C12orf50: variants seen among roughly 807,000 people sequenced by gnomAD.
C12orf50 encodes the protein uncharacterized protein C12orf50.
Under a neutral mutation model 61.6 loss-of-function variants are expected in C12orf50, and 35 were observed. That is an observed-to-expected ratio of 0.57 (90% CI 0.43 to 0.75). The LOEUF is 0.75. Among genes scored for constraint, C12orf50 ranks in the 30% least tolerant of loss-of-function variants. The pLI is 0.00. For synonymous variants in C12orf50, 178 were observed against 161.5 expected, an observed-to-expected ratio of 1.10 and a Z score of -0.77; for missense variants, 475 against 488.5, an observed-to-expected ratio of 0.97 and a Z score of 0.26.
At position 87,980,328 on chromosome 12, in the gene C12orf50, G is replaced by A. The variant is rs1022781380; in HGVS notation, c.*3C>T. 3.7e-6 allele frequency: 6 copies of A among 1,608,710 alleles called. No homozygotes were observed. In the African/African-American group the frequency reaches 8.0e-5, roughly 22 times the overall value. On this transcript the variant is annotated 3_prime_UTR_variant, in exon 13 of 13. Coordinates refer to ENST00000298699, the MANE Select transcript of C12orf50 (RefSeq NM_152589.3). ...TCATTTTTCTCTCTCTCAACCTCCAGGTTTACTTGCTCCCATTTCTTCTTG... is the reference window on the plus strand; with the variant it reads ...TCATTTTTCTCTCTCTCAACCTCCAAGTTTACTTGCTCCCATTTCTTCTTG...
chr12:88,025,154 T>C (rs966566398), intron 3 of C12orf50, among the ~76,000 whole-genome samples: 64 of 151,732 alleles, frequency 4.2e-4, no homozygotes, highest in Admixed American at 4.2e-3. Context: ...TCAGTAAGAG[T>C]GAATAATGTT....
chr12:87,981,312 T>C (rs1466922906), intron 12 of C12orf50, among the ~76,000 whole-genome samples: 1 of 152,130 alleles, frequency 6.6e-6, no homozygotes, highest in African/African-American at 2.4e-5. Flanking sequence ...GAGAATATAA[T>C]TTCAACAGTC....
chr12:87,989,921 C>T (rs1038207315), intron 7 of C12orf50, among the ~76,000 whole-genome samples: 11 of 151,976 alleles, frequency 7.2e-5, no homozygotes, highest in African/African-American at 2.7e-4. Flanking sequence ...TAATACTTGC[C>T]ATTCATGGAG....
intron 7 of C12orf50, among the ~76,000 whole-genome samples, chr12:87,990,050 C>T (rs146223124): frequency 2.0e-5 from 3 of 152,220 alleles, no homozygotes; most frequent in East Asian, 1.9e-4. Flanking sequence ...TGAAAACACA[C>T]GCCTAAATTG....
intron 8 of C12orf50, 129 bp downstream of exon 8, chr12:87,989,135 C>T (rs1042309109): frequency 3.2e-6 from 2 of 629,800 alleles, no homozygotes; most frequent in African/African-American, 3.7e-5. Context: ...AACCTTAGAG[C>T]TCTTGACTCC....
chr12:88,022,489 G>T (rs754396000), intron 3 of C12orf50, among the ~76,000 whole-genome samples: 1 of 152,040 alleles, frequency 6.6e-6, no homozygotes, highest in African/African-American at 2.4e-5. Flanking sequence ...CCATAGTATT[G>T]AAAAGTCCTG....
intron 3 of C12orf50, among the ~76,000 whole-genome samples, chr12:88,019,605 A>G (rs2032439554): frequency 6.6e-6 from 1 of 152,136 alleles, no homozygotes; most frequent in Admixed American, 6.5e-5. Flanking sequence ...ATAAGGCTAG[A>G]TGAGACTACC....
At chr12:87,989,474 C>T (rs923850761) in intron 7 of C12orf50, 103 bp from the exon 8 acceptor site, 5 of 717,106 alleles carry the variant, frequency 7.0e-6, no homozygotes, top group African/African-American at 5.3e-5. Context: ...GTTCACCTTT[C>T]TTTGGACACT....
chr12:88,006,868 T>C (rs1400712629), intron 3 of C12orf50, among the ~76,000 whole-genome samples: 2 of 152,200 alleles, frequency 1.3e-5, no homozygotes, highest in Non-Finnish European at 2.9e-5. Flanking sequence ...TCTGTCACAC[T>C]AAACAGAGAG....
chr12:88,010,408 G>T (rs1373836882), intron 3 of C12orf50, among the ~76,000 whole-genome samples: 1 of 123,790 alleles, frequency 8.1e-6, no homozygotes, highest in African/African-American at 4.7e-5. Context: ...CTTATAATAA[G>T]ATTATAAGAT....
chr12:88,009,268 A>G (rs1252200942), intron 3 of C12orf50, among the ~76,000 whole-genome samples: 1 of 152,104 alleles, frequency 6.6e-6, no homozygotes, highest in Non-Finnish European at 1.5e-5. Flanking sequence ...ATATCCTTCT[A>G]CAGTGCACAA....
chr12:88,019,714 G>A (rs1257212128), intron 3 of C12orf50, among the ~76,000 whole-genome samples: 1 of 151,816 alleles, frequency 6.6e-6, no homozygotes, highest in Admixed American at 6.6e-5. Flanking sequence ...TGATAACAAA[G>A]CACTAGGAAG....
At position 88,029,136 on chromosome 12, in the gene C12orf50, T is replaced by C. The variant is rs1342303639; in HGVS notation, c.-109+204A>G. ...CTTCTGCCATTTTCAACTCTCTTGC[T>C]GCTAATCCAATGGTTTTTTTTTTTT... On this transcript the variant is annotated intron_variant, in intron 1 of 12. Transcript: ENST00000298699. The C allele has an allele frequency of 2.4e-6, 3 of 1,266,972 alleles. No individual in the cohort carries two copies. In the African/African-American group the frequency reaches 4.7e-5, roughly 20 times the overall value. The allele number at this position is 1,266,972 out of a possible 1,614,324, so 78.5% of individuals were successfully genotyped here. A position where few individuals can be genotyped will look rare whatever the true frequency, so the allele number is the denominator to read the frequency against.
Position 87,998,173 on chromosome 12 carries a change from C to A in C12orf50, c.151G>T (p.Glu51Ter). The A allele has an allele frequency of 6.2e-7, 1 of 1,612,216 alleles. No homozygotes were observed. The highest frequency in any genetic ancestry group is 8.5e-7 in the Non-Finnish European group (1 of 1,178,852). The part of the protein sequence containing the change: ...PPSSNITLQK[E>*]IQEGIPLQSQ... The stretch of plus-strand genomic sequence containing the variant: ...TGGAGTGGAATTCCTTCCTGAATTT[C>A]TTTCTGTAGTGTGATATCTGCAGAG... The change falls in exon 4 of 13, where the codon GAA (glutamate) becomes TAA (stop). Residue 51 changes from glutamate (E) to a stop codon, truncating the protein, a stop_gained. Coordinates refer to ENST00000298699, the MANE Select transcript of C12orf50 (RefSeq NM_152589.3). LOFTEE classifies it high-confidence loss of function.
chr12:87,980,471 T>C, intron 12 of C12orf50, 115 bp from the exon 13 acceptor site: 4 of 893,482 alleles, frequency 4.5e-6, no homozygotes, highest in Non-Finnish European at 7.1e-6. Flanking sequence ...AAACTAATCT[T>C]ACTGTTTTAA....
In C12orf50 at chr12:87,989,341, A is replaced by G; in HGVS notation, c.623T>C (p.Ile208Thr). ...GGDCYVPQRV[I>T]FLGVDESEAL... ...TTCACTTTCATCGACTCCAAGAAAT[A>G]TGACCCTCTGTGGAACATAACAGTC... Residue 208 changes from isoleucine (I) to threonine (T), a missense_variant, in exon 8 of 13, where the codon ATA becomes ACA. Physicochemically the swap from Ile to Thr is moderately conservative, Grantham distance 89 (BLOSUM62 -1). Coordinates refer to ENST00000298699, the MANE Select transcript of C12orf50 (RefSeq NM_152589.3). 6.2e-7 allele frequency: 1 copy of G among 1,612,058 alleles called. No individual in the cohort carries two copies. Among genetic ancestry groups the G allele is most frequent in the African/African-American group, 1.3e-5 (1 of 74,962 alleles).
intron 10 of C12orf50, 79 bp from the exon 11 acceptor site, chr12:87,986,132 A>C: frequency 6.8e-7 from 1 of 1,470,838 alleles, no homozygotes; most frequent in African/African-American, 1.4e-5. Context: ...CACTGCAAAT[A>C]CTTCATAGCA....
At position 87,996,354 on chromosome 12, in the gene C12orf50, G is replaced by A; in HGVS notation, c.481+20C>T. On this transcript the variant is annotated intron_variant, in intron 6 of 12. Transcript: ENST00000298699. The stretch of plus-strand genomic sequence containing the variant: ...GTATATGTTATAGATCACTATGAAT[G>A]CTGCCTTTTCATTTCTTACCTTCTT... The A allele has an allele frequency of 1.3e-6, 2 of 1,487,308 alleles. No homozygotes were observed. The highest frequency in any genetic ancestry group is 1.9e-6 in the Non-Finnish European group (2 of 1,065,642). The allele number at this position is 1,487,308 out of a possible 1,614,324, so 92.1% of individuals were successfully genotyped here. A position where few individuals can be genotyped will look rare whatever the true frequency, so the allele number is the denominator to read the frequency against.
intron 12 of C12orf50, among the ~76,000 whole-genome samples, chr12:87,981,477 C>T (rs1474763535): frequency 1.3e-5 from 2 of 151,936 alleles, no homozygotes; most frequent in Non-Finnish European, 2.9e-5. Context: ...GATGGAGATC[C>T]TACATTTTAA....
Sources: gnomAD v4.1 joint callset for allele counts (sites outside exome capture counted in the v4.1 genomes callset) on GRCh38, gnomAD v4.1.1 for gene constraint, MANE v1.5 for transcripts, NCBI Gene and HGNC (gene_info 2026-07-23, HGNC 2026-07-21) for gene names.